The following USP7 variants were observed in gnomAD, a reference collection of about 807,000 sequenced individuals.
USP7 encodes the protein ubiquitin specific peptidase 7, also known as ubiquitin C-terminal hydrolase 7.
A neutral mutation model predicts 162.9 loss-of-function variants in USP7; 9 were observed. The ratio of observed to expected loss-of-function variants is 0.06; its 90% CI spans 0.03 to 0.10. The LOEUF (loss-of-function observed/expected upper bound fraction) is 0.10. Among genes scored for constraint, USP7 ranks in the 10% least tolerant of loss-of-function variants. USP7 has a pLI of 1.00. For synonymous variants in USP7, 562 were observed against 475.9 expected (o/e 1.18, Z -2.35); for missense variants, 715 against 1,373.7 (o/e 0.52, Z 7.58).
rs768316380 is a variant in USP7 at position 8,899,072 on chromosome 16, T to C, written c.2531+49A>G. 7.6e-6 allele frequency: 12 copies of C among 1,575,718 alleles called. No homozygotes were observed. In the East Asian group the frequency reaches 2.5e-4, roughly 32 times the overall value. ...AGTTCCAAGATGTTTCAATGAACTG[T>C]GGAAAGCATGCAGTCAAGACCAAGC... On this transcript the variant is annotated intron_variant, in intron 23 of 30. Coordinates refer to ENST00000344836, the MANE Select transcript of USP7 (RefSeq NM_003470.3).
intron 27 of USP7, among the ~76,000 whole-genome samples, 200 bp from the exon 28 acceptor site, chr16:8,895,350 C>CA (rs1323620101): frequency 2.0e-5 from 3 of 152,232 alleles, no homozygotes; most frequent in Non-Finnish European, 2.9e-5. Flanking sequence ...CCCCCTCCCC[C>CA]AAAAAACTGA....
intron 1 of USP7, among the ~76,000 whole-genome samples, chr16:8,951,229 T>C (rs1295797437): frequency 6.6e-6 from 1 of 152,276 alleles, no homozygotes; most frequent in East Asian, 1.9e-4. Context: ...AAGTTGCCTA[T>C]GAAGATGTAC....
At chr16:8,926,692 C>T (rs1400367669) in intron 2 of USP7, among the ~76,000 whole-genome samples, 1 of 152,200 alleles carries the variant, frequency 6.6e-6, no homozygotes, top group Non-Finnish European at 1.5e-5. Context: ...TTAGCAAGGA[C>T]ACCCACATTC....
chr16:8,919,243 C>G (rs1271040519), intron 5 of USP7, 104 bp from the exon 6 acceptor site: 1 of 1,081,818 alleles, frequency 9.2e-7, no homozygotes, highest in Non-Finnish European at 1.4e-6. Context: ...GAAACCGAGG[C>G]CAGGAACACT....
chr16:8,915,155 G>A (rs1371300653), intron 10 of USP7, 99 bp downstream of exon 10: 1 of 1,148,036 alleles, frequency 8.7e-7, no homozygotes, highest in East Asian at 2.4e-5. Context: ...CATTCTCTGT[G>A]TTTAGACTAT....
intron 1 of USP7, among the ~76,000 whole-genome samples, chr16:8,950,580 C>T (rs1899504342): frequency 6.6e-6 from 1 of 152,194 alleles, no homozygotes; most frequent in South Asian, 2.1e-4. Context: ...TTCAGCAGCA[C>T]ATTTCCCACA....
intron 21 of USP7, 77 bp downstream of exon 21, chr16:8,900,453 A>G: frequency 9.0e-7 from 1 of 1,114,444 alleles, no homozygotes. Context: ...ATCTAGGTAC[A>G]AATGTTTCTT....
chr16:8,942,915 T>C (rs1210941599), intron 1 of USP7, among the ~76,000 whole-genome samples: 1 of 152,140 alleles, frequency 6.6e-6, no homozygotes, highest in African/African-American at 2.4e-5. Context: ...TGGAAAGCCA[T>C]TTCCAGGGGA....
intron 18 of USP7, among the ~76,000 whole-genome samples, chr16:8,901,613 A>G (rs1222777323): frequency 6.6e-6 from 1 of 152,238 alleles, no homozygotes; most frequent in Non-Finnish European, 1.5e-5. Context: ...CACAGCAATA[A>G]AAGTCTGTCA....
intron 12 of USP7, 138 bp from the exon 13 acceptor site, chr16:8,906,720 G>T: frequency 1.3e-6 from 1 of 777,032 alleles, no homozygotes; most frequent in Non-Finnish European, 2.0e-6. Flanking sequence ...GGCCTATGAA[G>T]TACATAACGT....
Position 8,894,537 on chromosome 16 carries a change from G to T in USP7, c.3202+13C>A. 1 of 1,610,434 alleles carries T rather than the reference G, an allele frequency of 6.2e-7. No individual in the cohort carries two copies. Among genetic ancestry groups the T allele is most frequent in the Non-Finnish European group, 8.5e-7 (1 of 1,179,738 alleles). On this transcript the variant is annotated intron_variant, in intron 30 of 30. Coordinates refer to ENST00000344836, the MANE Select transcript of USP7 (RefSeq NM_003470.3). ...AAACCCACACCAGCCCCCGGGGGGG[G>T]GAGAACCCTTACCGGGCTGTGGCTC...
At chr16:8,903,243 G>GTA in intron 16 of USP7, 25 bp downstream of exon 16, 2 of 1,600,848 alleles carry the variant, frequency 1.2e-6, no homozygotes, top group Non-Finnish European at 1.7e-6. Flanking sequence ...CCACGGTGGG[G>GTA]TATATCCACG....
chr16:8,945,597 C>A (rs541365590), intron 1 of USP7, among the ~76,000 whole-genome samples: 2 of 152,276 alleles, frequency 1.3e-5, no homozygotes, highest in South Asian at 4.1e-4. Context: ...ATACCGTGCC[C>A]ATGGAGTGGG....
At chr16:8,947,787 T>A (rs1259962134) in intron 1 of USP7, among the ~76,000 whole-genome samples, 1 of 152,198 alleles carries the variant, frequency 6.6e-6, no homozygotes, top group Non-Finnish European at 1.5e-5. Context: ...ATTCCAGATG[T>A]GGGACTGCCT....
chr16:8,932,285 G>C (rs1898401615), intron 1 of USP7, among the ~76,000 whole-genome samples: 1 of 152,108 alleles, frequency 6.6e-6, no homozygotes, highest in Non-Finnish European at 1.5e-5. Context: ...GTTATTTCTG[G>C]TCCGACCCGT....
chr16:8,930,371 T>C lies in USP7; in HGVS notation c.106A>G (p.Ile36Val), dbSNP rs771556702. Residue 36 changes from isoleucine to valine, a missense_variant, in exon 2 of 31, where the codon ATT (isoleucine) becomes GTT (valine). Coordinates refer to ENST00000344836, the MANE Select transcript of USP7 (RefSeq NM_003470.3). Reference protein sequence around the residue: ...EAGDTDDPPRITQNPVINGNV... With the variant: ...EAGDTDDPPRVTQNPVINGNV... The stretch of plus-strand genomic sequence containing the variant: ...CCATTGATCACAGGGTTCTGAGTAA[T>C]TCTTGGTGGGTCATCTGTATCTCCC... The C allele has an allele frequency of 1.9e-6, 3 of 1,611,652 alleles. No individual in the cohort carries two copies. The highest frequency in any genetic ancestry group is 1.3e-5 in the African/African-American group (1 of 74,772).
chr16:8,922,270 C>A (rs183480595), intron 3 of USP7, among the ~76,000 whole-genome samples: 20 of 152,338 alleles, frequency 1.3e-4, no homozygotes, highest in Admixed American at 8.5e-4. Context: ...AGGCAGATCA[C>A]CTGAGGTCAG....
chr16:8,907,201 ATT>A (rs2061874086), intron 12 of USP7, among the ~76,000 whole-genome samples: 1 of 152,226 alleles, frequency 6.6e-6, no homozygotes, highest in Admixed American at 6.5e-5. Flanking sequence ...AAATCTGAAC[ATT>A]TATGTGAAAT....
intron 1 of USP7, 60 bp downstream of exon 1, chr16:8,963,147 T>C (rs960305052): frequency 7.6e-7 from 1 of 1,323,382 alleles, no homozygotes; most frequent in Non-Finnish European, 9.8e-7. Context: ...CTCCCGCGGC[T>C]CCCCCGGCCA....
Sources: allele counts gnomAD v4.1 joint callset (sites outside exome capture counted in the v4.1 genomes callset), GRCh38; gene constraint gnomAD v4.1.1; transcripts MANE v1.5; gene names NCBI Gene and HGNC (gene_info 2026-07-23, HGNC 2026-07-21).